The following CAMK1 variants were observed in gnomAD, a reference collection of about 807,000 sequenced individuals.
The protein encoded by CAMK1 is calcium/calmodulin-dependent protein kinase type 1.
CAMK1 carries 39 observed loss-of-function variants against 49.1 expected under a neutral mutation model. The ratio of observed to expected loss-of-function variants is 0.79; its 90% CI spans 0.62 to 1.04. CAMK1 has a LOEUF of 1.04. Ranked by LOEUF, CAMK1 falls within the 50% of genes least tolerant of loss-of-function variation. The pLI is 0.00. For missense variants in CAMK1, 457 were observed against 472.2 expected, an observed-to-expected ratio of 0.97 and a Z score of 0.30; for synonymous variants, 192 against 185.2, an observed-to-expected ratio of 1.04 and a Z score of -0.30.
At chr3:9,768,090 C>A (rs1332150957) in intron 1 of CAMK1, among the ~76,000 whole-genome samples, 1 of 152,162 alleles carries the variant, frequency 6.6e-6, no homozygotes, top group Non-Finnish European at 1.5e-5. Context: ...ACCCTGACTT[C>A]TGGCAGTACA....
At chr3:9,760,192 G>A (rs893214197) in intron 8 of CAMK1, 2 of 191,242 alleles carry the variant, frequency 1.0e-5, no homozygotes, top group African/African-American at 4.7e-5. Context: ...GCAGTGAGCC[G>A]AGATTGTGCC....
chr3:9,762,817 A>T, intron 5 of CAMK1, 97 bp downstream of exon 5: 1 of 1,194,760 alleles, frequency 8.4e-7, no homozygotes. Context: ...TCCAAGGCTC[A>T]GTGAGGGGGT....
intron 10 of CAMK1, chr3:9,759,113 T>C: frequency 8.0e-7 from 1 of 1,248,232 alleles, no homozygotes; most frequent in Non-Finnish European, 1.2e-6. Flanking sequence ...CTGGCCAGGC[T>C]TAGCACTTGC....
intron 3 of CAMK1, among the ~76,000 whole-genome samples, chr3:9,763,761 G>A (rs578090637): frequency 3.3e-5 from 5 of 152,102 alleles, no homozygotes; most frequent in Non-Finnish European, 5.9e-5. Flanking sequence ...CAAGGCAGGC[G>A]GATCACTTGA....
chr3:9,767,794 T>G lies in CAMK1; in HGVS notation c.-32-13A>C. On this transcript the variant is annotated splice_polypyrimidine_tract_variant and intron_variant, in intron 1 of 11. Transcript: ENST00000256460. The stretch of plus-strand genomic sequence containing the variant: ...ACAGCCAGGGCTCCTGTAAGGAGAA[T>G]GGAAGGAGGAGACTCAGCAGAGCCC... 1 of 1,611,096 alleles carries G rather than the reference T, an allele frequency of 6.2e-7. No individual in the cohort carries two copies. Among genetic ancestry groups the G allele is most frequent in the Non-Finnish European group, 8.5e-7 (1 of 1,178,724 alleles).
rs1311320342 is a variant in CAMK1 at position 9,762,941 on chromosome 3, G to T, written c.402C>A (p.Asp134Glu). ...QVLDAVKYLHDLGIVHRDLKP... is the reference protein window; with the variant it reads ...QVLDAVKYLHELGIVHRDLKP... ...TGAGATCCCGGTGTACAATGCCCAG[G>T]TCATGCAGGTATTTCACAGCATCCA... Residue 134 changes from aspartate (D) to glutamate (E), a missense_variant, in exon 5 of 12, where the codon GAC (aspartate) becomes GAA (glutamate). Coordinates refer to ENST00000256460, the MANE Select transcript of CAMK1 (RefSeq NM_003656.5). 4.3e-6 allele frequency: 7 copies of T among 1,614,160 alleles called. No homozygotes were observed. The highest frequency in any genetic ancestry group is 3.3e-5 in the South Asian group (3 of 91,080).
At position 9,757,487 on chromosome 3, in the gene CAMK1, G is replaced by T. The variant is rs1261049617; in HGVS notation, c.*52C>A. The T allele has an allele frequency of 1.9e-6, 3 of 1,603,688 alleles. No homozygotes were observed. The highest frequency in any genetic ancestry group is 2.6e-6 in the Non-Finnish European group (3 of 1,173,230). On this transcript the variant is annotated 3_prime_UTR_variant, in exon 12 of 12. Coordinates refer to ENST00000256460, the MANE Select transcript of CAMK1 (RefSeq NM_003656.5). The surrounding 1 kb of genome is among the most constrained non-coding windows in gnomAD (Gnocchi z 4.5). ...CCGGTTCAGGGAGGGAAGGGGAGCA[G>T]GCTGCCCCCAAGCCCTCCCACGCAG...
In CAMK1 at chr3:9,759,172, C is replaced by G. The variant is rs777627402; in HGVS notation, c.912+316G>C. On this transcript the variant is annotated intron_variant, in intron 10 of 11. Transcript: ENST00000256460. Reference sequence around the variant, plus strand: ...TTATTCCGCTATGCCTCACTAATTCCTACTTAACTGACAGCTCTGTCAGGT... The same window carrying G: ...TTATTCCGCTATGCCTCACTAATTCGTACTTAACTGACAGCTCTGTCAGGT... The G allele has an allele frequency of 6.3e-6, 10 of 1,599,682 alleles. No homozygotes were observed. The East Asian group carries it at 2.0e-4, about 32-fold the overall frequency.
intron 2 of CAMK1, chr3:9,766,409 T>C: frequency 2.0e-6 from 1 of 509,334 alleles, no homozygotes; most frequent in Non-Finnish European, 3.6e-6. Context: ...CTTTAGAACC[T>C]TAAAGAACCA....
chr3:9,759,181 T>G lies in CAMK1; in HGVS notation c.912+307A>C, dbSNP rs1486472838. ...TATGCCTCACTAATTCCTACTTAACTGACAGCTCTGTCAGGTCATCACCAC... is the reference window on the plus strand; with the variant it reads ...TATGCCTCACTAATTCCTACTTAACGGACAGCTCTGTCAGGTCATCACCAC... On this transcript the variant is annotated intron_variant, in intron 10 of 11. Transcript: ENST00000256460. 9 of 1,609,862 alleles carry G rather than the reference T, an allele frequency of 5.6e-6. No homozygotes were observed. The East Asian group carries it at 2.0e-4, about 36-fold the overall frequency.
chr3:9,759,904 A>G (rs865795569), intron 8 of CAMK1, 154 bp from the exon 9 acceptor site: 2 of 1,251,874 alleles, frequency 1.6e-6, no homozygotes, highest in Middle Eastern at 2.2e-4. Flanking sequence ...GCTCTTCTTC[A>G]GGCCCTCCCA....
Position 9,762,901 on chromosome 3 carries a change from C to T in CAMK1, c.429+13G>A, listed in dbSNP as rs1425689538. On this transcript the variant is annotated intron_variant, in intron 5 of 11. Transcript: ENST00000256460. ...CTGGGTACCCTAGCTCACCACACCC[C>T]CTTGAGCCCCACCTTGAGATCCCGG... 6.2e-7 allele frequency: 1 copy of T among 1,613,904 alleles called. No individual in the cohort carries two copies. The highest frequency in any genetic ancestry group is 1.1e-5 in the South Asian group (1 of 91,068).
chr3:9,767,730 C>T lies in CAMK1; in HGVS notation c.20G>A (p.Gly7Asp). Residue 7 changes from glycine (G) to aspartate (D), a missense_variant, in exon 2 of 12, where the codon GGC (glycine) becomes GAC (aspartate). By Grantham distance (94) the Gly-to-Asp change is moderately conservative. Transcript: ENST00000256460. MLGAVE[G>D]PRWKQAEDIR... ...GTCCTCCGCCTGCTTCCACCTGGGG[C>T]CTTCCACTGCCCCCAGCATGGCCCA... The T allele has an allele frequency of 1.2e-6, 2 of 1,614,148 alleles. No individual in the cohort carries two copies. The highest frequency in any genetic ancestry group is 1.7e-6 in the Non-Finnish European group (2 of 1,180,018).
rs140837712 is a variant in CAMK1, at chr3:9,760,663, A to G, written c.738T>C (p.Ser246=). 2.9e-5 allele frequency: 47 copies of G among 1,613,970 alleles called. No individual in the cohort carries two copies. The African/African-American group carries it at 4.9e-4, about 17-fold the overall frequency. Residue 246 remains serine (S), a synonymous_variant, in exon 8 of 12, where the codon TCT becomes TCC. Transcript: ENST00000256460. ...EFDSPYWDDI[S]DSAKDFIRHL... Reference sequence around the variant, plus strand: ...AAGCAAAGCCCCAAATACCAGAGTCAGAGATGTCGTCCCAGTAAGGAGAGT... The same window carrying G: ...AAGCAAAGCCCCAAATACCAGAGTCGGAGATGTCGTCCCAGTAAGGAGAGT...
At chr3:9,766,656 C>G in intron 2 of CAMK1, 1 of 1,051,926 alleles carries the variant, frequency 9.5e-7, no homozygotes. Context: ...CTAAAGTTAA[C>G]TGATTAAAGA....
chr3:9,766,346 A>ACAGTTGGTTCATC (rs2078151442), intron 2 of CAMK1: 3 of 675,138 alleles, frequency 4.4e-6, no homozygotes, highest in Non-Finnish European at 8.1e-6. Flanking sequence ...GATTATGTGT[A>ACAGTTGGTTCATC]CAGTTGGTTC....
chr3:9,765,664 A>G, intron 3 of CAMK1, 95 bp downstream of exon 3: 1 of 1,413,348 alleles, frequency 7.1e-7, no homozygotes, highest in Non-Finnish European at 9.7e-7. Context: ...TAAGGCTTAG[A>G]GAGTTTAAAT....
intron 2 of CAMK1, chr3:9,766,562 C>T: frequency 1.4e-6 from 1 of 724,132 alleles, no homozygotes; most frequent in South Asian, 2.1e-5. Flanking sequence ...TAACAAAATC[C>T]TCAGGTGATT....
intron 10 of CAMK1, chr3:9,758,069 A>C: frequency 1.7e-6 from 1 of 575,878 alleles, no homozygotes; most frequent in Non-Finnish European, 2.9e-6. Context: ...ATATATATAA[A>C]TAGAAACATA....
Sources: allele counts gnomAD v4.1 joint callset (sites outside exome capture counted in the v4.1 genomes callset), GRCh38; gene constraint gnomAD v4.1.1; non-coding constraint Gnocchi (gnomAD v3.1); transcripts MANE v1.5; gene names NCBI Gene and HGNC (gene_info 2026-07-23, HGNC 2026-07-21).